INTS2: variants seen among roughly 807,000 people sequenced by gnomAD.
The protein encoded by INTS2 is integrator complex subunit 2, also known as KIAA1287.
INTS2 carries 57 observed loss-of-function variants against 139.6 expected under a neutral mutation model. The ratio of observed to expected loss-of-function variants is 0.41; its 90% CI spans 0.33 to 0.51. The LOEUF (loss-of-function observed/expected upper bound fraction) is 0.51, where lower values mean the gene tolerates loss of function less well. Among genes scored for constraint, INTS2 ranks in the 20% least tolerant of loss-of-function variants. The pLI is 0.28. For synonymous variants in INTS2, 473 were observed against 493.4 expected (o/e 0.96, Z 0.55); for missense variants, 1,196 against 1,436.7 (o/e 0.83, Z 2.71).
rs886884690 is a variant in INTS2, at chr17:61,909,181, G to A, written c.955-1547C>T. Among the ~76,000 whole-genome samples, 1 of 151,846 alleles carries A rather than the reference G, an allele frequency of 6.6e-6. No homozygotes were observed. Among genetic ancestry groups the A allele is most frequent in the Non-Finnish European group, 1.5e-5 (1 of 68,002 alleles). On this transcript the variant is annotated intron_variant, in intron 7 of 24. Transcript: ENST00000251334. This position sits in a 1 kb window ranked among gnomAD's most constrained non-coding sequence, Gnocchi z 4.9. Reference sequence around the variant, plus strand: ...GGCTGGAGTGCAGTGGCGTGATCTCGGCTCACTGCAACCTCTGCCTCCCAT... The same window carrying A: ...GGCTGGAGTGCAGTGGCGTGATCTCAGCTCACTGCAACCTCTGCCTCCCAT...
chr17:61,922,514 ATATATATAT>A (rs2079655357), intron 3 of INTS2, among the ~76,000 whole-genome samples: 2 of 41,402 alleles, frequency 4.8e-5, no homozygotes, highest in Non-Finnish European at 9.0e-5. Context: ...AAACAAACAT[ATATATATAT>A]ATATATATAT....
chr17:61,872,481 A>G lies in INTS2; in HGVS notation c.2583-21T>C, dbSNP rs771732827. 30 of 1,431,338 alleles carry G rather than the reference A, an allele frequency of 2.1e-5. No individual in the cohort carries two copies. Among genetic ancestry groups the G allele is most frequent in the Non-Finnish European group, 2.8e-5 (29 of 1,044,438 alleles). 88.7% of individuals were successfully genotyped at this position (1,431,338 alleles called of 1,614,324 possible). ...GGCATCTAAACAAGGAAAGCAGAAAAGAAAAATATATCAGAAAGAATATAA... is the reference window on the plus strand; with the variant it reads ...GGCATCTAAACAAGGAAAGCAGAAAGGAAAAATATATCAGAAAGAATATAA... On this transcript the variant is annotated intron_variant, in intron 19 of 24. Transcript: ENST00000251334. The surrounding 1 kb of genome is among the most constrained non-coding windows in gnomAD (Gnocchi z 4.8).
chr17:61,911,715 A>C (rs1162605992), intron 6 of INTS2, 22 bp from the exon 7 acceptor site: 4 of 1,602,324 alleles, frequency 2.5e-6, no homozygotes, highest in Admixed American at 1.7e-5. Flanking sequence ...AAGAAAACAA[A>C]CTGAATTCAG....
At chr17:61,916,717 A>T (rs1375638646) in intron 5 of INTS2, among the ~76,000 whole-genome samples, 3 of 152,208 alleles carry the variant, frequency 2.0e-5, no homozygotes, top group Non-Finnish European at 2.9e-5. Flanking sequence ...ACTAGGAAAT[A>T]CTATTCTGGA....
Position 61,908,961 on chromosome 17 carries a change from T to G in INTS2, c.955-1327A>C, listed in dbSNP as rs551511067. On this transcript the variant is annotated intron_variant, in intron 7 of 24. Coordinates refer to ENST00000251334, the MANE Select transcript of INTS2 (RefSeq NM_001351695.2). Reference sequence around the variant, plus strand: ...CAACGAGTTAAATCGCAATCTGCATTAGCTCCTTCATAGGAACTCTATTCA... The same window carrying G: ...CAACGAGTTAAATCGCAATCTGCATGAGCTCCTTCATAGGAACTCTATTCA... Among the ~76,000 whole-genome samples the G allele has an allele frequency of 3.3e-5, 5 of 152,274 alleles. No homozygotes were observed. In the East Asian group the frequency reaches 9.7e-4, roughly 29 times the overall value.
At chr17:61,923,553 G>A (rs1348190736) in intron 3 of INTS2, among the ~76,000 whole-genome samples, 2 of 145,448 alleles carry the variant, frequency 1.4e-5, no homozygotes, top group Non-Finnish European at 3.0e-5. Flanking sequence ...TATGAAAACA[G>A]AATTTAGTCC....
At chr17:61,914,290 T>C (rs1432119343) in intron 5 of INTS2, among the ~76,000 whole-genome samples, 1 of 152,178 alleles carries the variant, frequency 6.6e-6, no homozygotes, top group Non-Finnish European at 1.5e-5. Flanking sequence ...GTCTATTTTG[T>C]CACGCCTGTA....
chr17:61,872,062 A>G lies in INTS2; in HGVS notation c.2778+203T>C, dbSNP rs1482194242. The G allele has an allele frequency of 4.9e-6, 2 of 404,668 alleles. No homozygotes were observed. The highest frequency in any genetic ancestry group is 4.1e-5 in the African/African-American group (2 of 49,094). 25.1% of individuals were successfully genotyped at this position (404,668 alleles called of 1,614,324 possible). ...AAATGGCTATTTCATTCATATCATGAAGATTATTCCTGATTTCAGAAATAC... is the reference window on the plus strand; with the variant it reads ...AAATGGCTATTTCATTCATATCATGGAGATTATTCCTGATTTCAGAAATAC... On this transcript the variant is annotated intron_variant, in intron 20 of 24. Transcript: ENST00000251334. The surrounding 1 kb of genome is among the most constrained non-coding windows in gnomAD (Gnocchi z 4.8).
chr17:61,914,206 TAAGA>T (rs1346296715), intron 5 of INTS2, among the ~76,000 whole-genome samples: 1 of 152,044 alleles, frequency 6.6e-6, no homozygotes, highest in East Asian at 1.9e-4. Flanking sequence ...AAACTAATTA[TAAGA>T]AAGATGACAT....
rs943506280 is a variant in INTS2 at position 61,879,071 on chromosome 17, C to CTTTTT, written c.2255-988_2255-984dup. ...GTCTTGCTATGTTGCCCAGGCTGGT[C>CTTTTT]TTTTTTTTTTTTTTTTTTTTTTTTT... is the stretch of plus-strand genomic sequence containing the variant. On this transcript the variant is annotated intron_variant, in intron 17 of 24. Coordinates refer to ENST00000251334, the MANE Select transcript of INTS2 (RefSeq NM_001351695.2). Among the ~76,000 whole-genome samples, 6 of 34,432 alleles carry CTTTTT rather than the reference C, an allele frequency of 1.7e-4. 1 individual carries two copies. Among genetic ancestry groups the CTTTTT allele is most frequent in the Non-Finnish European group, 2.9e-4 (6 of 20,564 alleles). The allele number at this position is 34,432 out of a possible 152,430, so 22.6% of individuals were successfully genotyped here. A position where few individuals can be genotyped will look rare whatever the true frequency, so the allele number is the denominator to read the frequency against.
intron 5 of INTS2, among the ~76,000 whole-genome samples, chr17:61,914,726 T>C (rs1304890972): frequency 6.9e-6 from 1 of 144,808 alleles, no homozygotes; most frequent in Admixed American, 6.8e-5. Flanking sequence ...AAAAAAAAAT[T>C]ATCTGGGCCC....
chr17:61,868,963 A>G lies in INTS2; in HGVS notation c.3244+71T>C. The G allele has an allele frequency of 1.1e-6, 1 of 895,542 alleles. No homozygotes were observed. Among genetic ancestry groups the G allele is most frequent in the South Asian group, 1.5e-5 (1 of 68,534 alleles). The allele number at this position is 895,542 out of a possible 1,614,324, so 55.5% of individuals were successfully genotyped here. A position where few individuals can be genotyped will look rare whatever the true frequency, so the allele number is the denominator to read the frequency against. On this transcript the variant is annotated intron_variant, in intron 23 of 24. Transcript: ENST00000251334. The surrounding 1 kb of genome is among the most constrained non-coding windows in gnomAD (Gnocchi z 4.7). ...AGTGACAGAAAAAACATATTGCATC[A>G]CTAAATGCAGAAAATATAGGAACTA... is the stretch of plus-strand genomic sequence containing the variant.
At chr17:61,885,508 G>A (rs1052525779) in intron 15 of INTS2, among the ~76,000 whole-genome samples, 2 of 149,840 alleles carry the variant, frequency 1.3e-5, no homozygotes, top group Non-Finnish European at 1.5e-5. Flanking sequence ...TCCGCTTCCC[G>A]GGTTCAAGCG....
rs1380413913 is a variant in INTS2, at chr17:61,868,984, A to G, written c.3244+50T>C. On this transcript the variant is annotated intron_variant, in intron 23 of 24. Transcript: ENST00000251334. This position sits in a 1 kb window ranked among gnomAD's most constrained non-coding sequence, Gnocchi z 4.7. The stretch of plus-strand genomic sequence containing the variant: ...CATCACTAAATGCAGAAAATATAGG[A>G]ACTATAATAATTTATGTCAGATGTT... 9.4e-7 allele frequency: 1 copy of G among 1,062,288 alleles called. No homozygotes were observed. Among genetic ancestry groups the G allele is most frequent in the Non-Finnish European group, 1.4e-6 (1 of 690,118 alleles). 65.8% of individuals were successfully genotyped at this position (1,062,288 alleles called of 1,614,324 possible). A position where few individuals can be genotyped will look rare whatever the true frequency, so the allele number is the denominator to read the frequency against.
intron 5 of INTS2, among the ~76,000 whole-genome samples, chr17:61,913,932 T>C (rs1006146208): frequency 2.0e-5 from 3 of 152,124 alleles, no homozygotes; most frequent in Non-Finnish European, 4.4e-5. Flanking sequence ...ATAATTCATG[T>C]AAAAGTAAAA....
chr17:61,920,977 G>T (rs906628657), intron 4 of INTS2, among the ~76,000 whole-genome samples: 7 of 152,048 alleles, frequency 4.6e-5, no homozygotes, highest in African/African-American at 1.7e-4. Flanking sequence ...TAGAGACAAG[G>T]TCTCACTATG....
rs1567911782 is a variant in INTS2, at chr17:61,909,827, G to GTGTGTGTACATGTGTGTA, written c.954+1692_954+1693insTACACACATGTACACACA. The stretch of plus-strand genomic sequence containing the variant: ...CGTGTGTGTGTACATGTGTGTATGT[G>GTGTGTGTACATGTGTGTA]TGTGTGTGTGTGTGTGTGTGTGTGT... On this transcript the variant is annotated intron_variant, in intron 7 of 24. Transcript: ENST00000251334. The surrounding 1 kb of genome is among the most constrained non-coding windows in gnomAD (Gnocchi z 4.9). Among the ~76,000 whole-genome samples the GTGTGTGTACATGTGTGTA allele has an allele frequency of 1.0e-4, 1 of 9,942 alleles. No individual in the cohort carries two copies. The highest frequency in any genetic ancestry group is 1.8e-4 in the African/African-American group (1 of 5,490). 6.5% of individuals were successfully genotyped at this position (9,942 alleles called of 152,430 possible). A position where few individuals can be genotyped will look rare whatever the true frequency, so the allele number is the denominator to read the frequency against.
In INTS2 at chr17:61,867,546, T is replaced by C; in HGVS notation, c.*11A>G. 1 of 1,572,980 alleles carries C rather than the reference T, an allele frequency of 6.4e-7. No individual in the cohort carries two copies. On this transcript the variant is annotated 3_prime_UTR_variant, in exon 25 of 25. Coordinates refer to ENST00000251334, the MANE Select transcript of INTS2 (RefSeq NM_001351695.2). The surrounding 1 kb of genome is among the most constrained non-coding windows in gnomAD (Gnocchi z 5.6). ...TGCAGCAAACAACTTTTTGTTGTTTTAAATTTTGTTTTAAATTCCACTAAC... is the reference window on the plus strand; with the variant it reads ...TGCAGCAAACAACTTTTTGTTGTTTCAAATTTTGTTTTAAATTCCACTAAC...
At chr17:61,920,242 C>G (rs537679001) in intron 4 of INTS2, among the ~76,000 whole-genome samples, 2 of 142,218 alleles carry the variant, frequency 1.4e-5, no homozygotes, top group South Asian at 4.3e-4. Flanking sequence ...AATGCAATGG[C>G]GCAATCTCAG....
Sources: gnomAD v4.1 joint callset for allele counts (sites outside exome capture counted in the v4.1 genomes callset) on GRCh38, gnomAD v4.1.1 for gene constraint, Gnocchi (gnomAD v3.1) non-coding constraint, MANE v1.5 for transcripts, NCBI Gene and HGNC (gene_info 2026-07-23, HGNC 2026-07-21) for gene names.